GRIN2A: variants seen among roughly 807,000 people sequenced by gnomAD.
GRIN2A encodes glutamate ionotropic receptor NMDA type subunit 2A, also known as glutamate receptor ionotropic, NMDA 2A.
GRIN2A carries 22 observed loss-of-function variants against 113.4 expected under a neutral mutation model. The observed-to-expected ratio is 0.19, with a 90% CI of 0.14 to 0.28. GRIN2A has a LOEUF of 0.28. Among genes scored for constraint, GRIN2A ranks in the 10% least tolerant of loss-of-function variants. The pLI is 1.00. For synonymous variants in GRIN2A, 827 were observed against 738.4 expected, an observed-to-expected ratio of 1.12 and a Z score of -1.94; for missense variants, 1,502 against 1,887.0, an observed-to-expected ratio of 0.80 and a Z score of 3.78.
chr16:9,846,784 A>G (rs757510311), intron 5 of GRIN2A, among the ~76,000 whole-genome samples: 4 of 152,236 alleles, frequency 2.6e-5, no homozygotes, highest in Non-Finnish European at 4.4e-5. Flanking sequence ...AGTAAGAATT[A>G]GGTAAAAGAA....
At chr16:9,984,217 A>C (rs905861583) in intron 2 of GRIN2A, among the ~76,000 whole-genome samples, 2 of 125,788 alleles carry the variant, frequency 1.6e-5, no homozygotes, top group Admixed American at 8.1e-5. Context: ...TCATTTGCCC[A>C]TTTTTAATCG....
chr16:9,845,413 G>A (rs1233584988), intron 5 of GRIN2A, among the ~76,000 whole-genome samples: 2 of 152,128 alleles, frequency 1.3e-5, no homozygotes, highest in Admixed American at 6.5e-5. Context: ...TCAGTTGATT[G>A]CCCTATTGAA....
intron 2 of GRIN2A, among the ~76,000 whole-genome samples, chr16:9,941,958 C>T (rs974238751): frequency 4.6e-5 from 7 of 152,078 alleles, no homozygotes; most frequent in South Asian, 2.1e-4. Flanking sequence ...CTCAGGGTCT[C>T]GAGTTTTTAC....
chr16:10,152,797 G>T (rs1174478433), intron 2 of GRIN2A, among the ~76,000 whole-genome samples: 1 of 152,158 alleles, frequency 6.6e-6, no homozygotes, highest in African/African-American at 2.4e-5. Context: ...GACATTGAGG[G>T]ACCTTAAATG....
At chr16:9,914,905 CTTTTTTTTTTTTTTTTTT>C (rs869182389) in intron 3 of GRIN2A, among the ~76,000 whole-genome samples, 32 of 33,472 alleles carry the variant, frequency 9.6e-4, no homozygotes, top group African/African-American at 1.2e-3. Context: ...GATTATGCAG[CTTTTTTTTTTTTTTTTTT>C]TTTTTTTTTT....
chr16:9,836,617 G>A (rs1313493701), intron 7 of GRIN2A, among the ~76,000 whole-genome samples: 5 of 152,136 alleles, frequency 3.3e-5, no homozygotes, highest in African/African-American at 4.8e-5. Flanking sequence ...AGCACAGCAC[G>A]GATCAAAGGA....
intron 9 of GRIN2A, among the ~76,000 whole-genome samples, chr16:9,827,855 A>G (rs1035611444): frequency 1.1e-4 from 17 of 152,266 alleles, no homozygotes; most frequent in African/African-American, 3.4e-4. Context: ...TATCAAAACT[A>G]CATCCCTGAG....
intron 2 of GRIN2A, among the ~76,000 whole-genome samples, chr16:10,086,492 C>T (rs1205705855): frequency 6.6e-6 from 1 of 151,312 alleles, no homozygotes; most frequent in Non-Finnish European, 1.5e-5. Context: ...GCTGTCTGGC[C>T]AGACTTAACT....
At chr16:9,791,598 C>T (rs1179591449) in intron 11 of GRIN2A, among the ~76,000 whole-genome samples, 1 of 152,100 alleles carries the variant, frequency 6.6e-6, no homozygotes, top group Non-Finnish European at 1.5e-5. Flanking sequence ...GATGTCAGCC[C>T]AAAGATATTA....
intron 2 of GRIN2A, among the ~76,000 whole-genome samples, chr16:10,102,655 TTGTGCCTC>T (rs2048422938): frequency 6.6e-6 from 1 of 152,188 alleles, no homozygotes; most frequent in Non-Finnish European, 1.5e-5. Flanking sequence ...CAAGCAATTC[TTGTGCCTC>T]AGCCTCCCAA....
chr16:10,069,558 A>G (rs1227753026), intron 2 of GRIN2A, among the ~76,000 whole-genome samples: 1 of 152,254 alleles, frequency 6.6e-6, no homozygotes, highest in Non-Finnish European at 1.5e-5. Flanking sequence ...GTGCAGCTGC[A>G]CACACCCACC....
chr16:9,998,728 T>C (rs2046269382), intron 2 of GRIN2A, among the ~76,000 whole-genome samples: 1 of 151,774 alleles, frequency 6.6e-6, no homozygotes, highest in South Asian at 2.1e-4. Context: ...AGTCTCACTC[T>C]TCTCTCTCTC....
chr16:10,015,051 C>A (rs1210212318), intron 2 of GRIN2A, among the ~76,000 whole-genome samples: 1 of 151,524 alleles, frequency 6.6e-6, no homozygotes, highest in Non-Finnish European at 1.5e-5. Context: ...ATCAGGAGTT[C>A]GGGACCAGCC....
chr16:10,134,397 G>A (rs996369683), intron 2 of GRIN2A, among the ~76,000 whole-genome samples: 1 of 151,114 alleles, frequency 6.6e-6, no homozygotes, highest in African/African-American at 2.4e-5. Context: ...GTAGAATTTG[G>A]GGAGTATATC....
intron 3 of GRIN2A, among the ~76,000 whole-genome samples, chr16:9,915,153 G>A (rs1009837505): frequency 4.0e-5 from 6 of 151,282 alleles, no homozygotes; most frequent in African/African-American, 1.5e-4. Flanking sequence ...AGCTAGGATG[G>A]TCTTGATCTC....
intron 2 of GRIN2A, among the ~76,000 whole-genome samples, chr16:10,091,292 C>G (rs2142081934): frequency 6.6e-6 from 1 of 152,210 alleles, no homozygotes; most frequent in East Asian, 1.9e-4. Context: ...AGAAATAACC[C>G]AAATACCCAT....
intron 5 of GRIN2A, among the ~76,000 whole-genome samples, chr16:9,846,787 T>TA (rs1270677812): frequency 1.3e-5 from 2 of 152,098 alleles, no homozygotes; most frequent in African/African-American, 4.8e-5. Flanking sequence ...AAGAATTAGG[T>TA]AAAAGAAACA....
At chr16:9,964,257 G>T (rs527238564) in intron 2 of GRIN2A, among the ~76,000 whole-genome samples, 121 of 152,324 alleles carry the variant, frequency 7.9e-4, no homozygotes, top group Non-Finnish European at 1.4e-3. Flanking sequence ...TACAGTACAA[G>T]TGTGGCCCTG....
rs187765241 is a variant in GRIN2A, at chr16:9,758,760, G to C, written c.*4389C>G. On this transcript the variant is annotated 3_prime_UTR_variant, in exon 13 of 13. Coordinates refer to ENST00000330684, the MANE Select transcript of GRIN2A (RefSeq NM_001134407.3). ...CAGTACAATGTATAGGGATTGAATG[G>C]GAAACAGTAACTGCATATTGGGAGA... 22 of 214,430 alleles carry C rather than the reference G, an allele frequency of 1.0e-4. No homozygotes were observed. Among genetic ancestry groups the C allele is most frequent in the African/African-American group, 5.0e-4 (22 of 44,440 alleles). The allele number at this position is 214,430 out of a possible 1,614,324, so 13.3% of individuals were successfully genotyped here. A position where few individuals can be genotyped will look rare whatever the true frequency, so the allele number is the denominator to read the frequency against.
Sources: allele counts gnomAD v4.1 joint callset (sites outside exome capture counted in the v4.1 genomes callset), GRCh38; gene constraint gnomAD v4.1.1; transcripts MANE v1.5; gene names NCBI Gene and HGNC (gene_info 2026-07-23, HGNC 2026-07-21).